Variants in METTL15 observed in about 807,000 individuals in gnomAD.
METTL15 encodes the protein methyltransferase 15, mitochondrial 12S rRNA N4-cytidine.
In METTL15, 34 loss-of-function variants were observed where a neutral mutation model predicts 38.3. The ratio of observed to expected loss-of-function variants is 0.89; its 90% CI spans 0.68 to 1.18. METTL15 has a LOEUF of 1.18. Among genes scored for constraint, METTL15 ranks in the 50% most tolerant of loss-of-function variants. METTL15 has a pLI of 0.00. For synonymous variants in METTL15, 162 were observed against 170.9 expected (o/e 0.95, Z 0.41); for missense variants, 438 against 498.4 (o/e 0.88, Z 1.15).
intron 4 of METTL15, among the ~76,000 whole-genome samples, chr11:28,258,391 A>T (rs1018541427): frequency 6.6e-6 from 1 of 152,048 alleles, no homozygotes; most frequent in Non-Finnish European, 1.5e-5. Flanking sequence ...TCTACTGCCT[A>T]TGTTCACTTC....
chr11:28,481,128 G>T (rs577478326), intron 6 of METTL15, among the ~76,000 whole-genome samples: 1 of 152,186 alleles, frequency 6.6e-6, no homozygotes, highest in South Asian at 2.1e-4. Flanking sequence ...TGGGGAGGAA[G>T]TATCACATTA....
chr11:28,461,111 T>C (rs888996395), intron 6 of METTL15, among the ~76,000 whole-genome samples: 4 of 152,014 alleles, frequency 2.6e-5, no homozygotes, highest in Admixed American at 1.3e-4. Context: ...CAAAGAAATA[T>C]TTATTAACCC....
chr11:28,234,822 T>C (rs1421898266), intron 4 of METTL15, among the ~76,000 whole-genome samples: 1 of 146,264 alleles, frequency 6.8e-6, no homozygotes, highest in Non-Finnish European at 1.5e-5. Flanking sequence ...AGATCCCATT[T>C]GTCAATTTTG....
chr11:28,292,164 C>T (rs901440043), intron 5 of METTL15, among the ~76,000 whole-genome samples: 1 of 150,344 alleles, frequency 6.7e-6, no homozygotes, highest in Non-Finnish European at 1.5e-5. Context: ...CCCAGTAACT[C>T]GTCATTTAAC....
intron 6 of METTL15, among the ~76,000 whole-genome samples, chr11:28,505,168 C>T (rs999298294): frequency 6.6e-6 from 1 of 151,992 alleles, no homozygotes; most frequent in Non-Finnish European, 1.5e-5. Context: ...AAGTGTAACT[C>T]GGTGTGTATG....
intron 6 of METTL15, among the ~76,000 whole-genome samples, chr11:28,303,421 A>G (rs144773961): frequency 5.9e-5 from 9 of 152,294 alleles, no homozygotes; most frequent in Non-Finnish European, 1.3e-4. Context: ...AAAGAAGTAT[A>G]CCAGTCACTT....
intron 6 of METTL15, among the ~76,000 whole-genome samples, chr11:28,319,820 G>A (rs1032667671): frequency 8.5e-5 from 13 of 152,124 alleles, no homozygotes; most frequent in Admixed American, 2.6e-4. Context: ...ATGTTAATGG[G>A]CATTGTGAAT....
intron 3 of METTL15, among the ~76,000 whole-genome samples, chr11:28,133,332 T>G (rs907551384): frequency 1.3e-5 from 2 of 152,196 alleles, no homozygotes; most frequent in African/African-American, 2.4e-5. Context: ...ATGACTCGTG[T>G]TAAAAACCTT....
chr11:28,375,872 G>T (rs1387923490), intron 5 of METTL15, among the ~76,000 whole-genome samples: 1 of 151,322 alleles, frequency 6.6e-6, no homozygotes, highest in East Asian at 1.9e-4. Flanking sequence ...TTGTGTCTTT[G>T]TTCTCGTTGG....
chr11:28,514,229 C>A (rs556818582), intron 6 of METTL15, among the ~76,000 whole-genome samples: 9 of 152,284 alleles, frequency 5.9e-5, no homozygotes, highest in Admixed American at 5.9e-4. Context: ...TAGGTCTAAG[C>A]CAATCAACAT....
intron 4 of METTL15, among the ~76,000 whole-genome samples, chr11:28,281,047 T>C (rs1359531542): frequency 2.0e-5 from 3 of 152,146 alleles, no homozygotes; most frequent in Non-Finnish European, 4.4e-5. Flanking sequence ...GTCTAGTAAT[T>C]TTTATTTTAT....
chr11:28,156,106 GTTA>G (rs1323418123), intron 3 of METTL15, among the ~76,000 whole-genome samples: 1 of 152,092 alleles, frequency 6.6e-6, no homozygotes, highest in Non-Finnish European at 1.5e-5. Flanking sequence ...TGTCTAATGT[GTTA>G]TTATTCTTTA....
intron 3 of METTL15, among the ~76,000 whole-genome samples, chr11:28,131,343 C>G (rs1488754875): frequency 6.6e-6 from 1 of 152,128 alleles, no homozygotes; most frequent in Non-Finnish European, 1.5e-5. Flanking sequence ...TAGCTTCTTT[C>G]CTCGCACCAT....
the METTL15 span, among the ~76,000 whole-genome samples, chr11:28,532,279 G>A: frequency 2.6e-5 from 4 of 152,088 alleles, no homozygotes; most frequent in Admixed American, 1.3e-4. Flanking sequence ...CTTGATCAAG[G>A]TGTATATTTT....
At chr11:28,323,151 A>G (rs1325762575) in intron 6 of METTL15, among the ~76,000 whole-genome samples, 1 of 152,084 alleles carries the variant, frequency 6.6e-6, no homozygotes, top group African/African-American at 2.4e-5. Context: ...AGTGACATTA[A>G]CTATTGACTT....
chr11:28,197,482 C>T (rs914612265), intron 3 of METTL15: 2 of 446,464 alleles, frequency 4.5e-6, no homozygotes, highest in African/African-American at 4.0e-5. Flanking sequence ...ATCCCAATTT[C>T]CTGGTGATGT....
At chr11:28,256,817 C>T (rs940315816) in intron 4 of METTL15, among the ~76,000 whole-genome samples, 65 of 152,122 alleles carry the variant, frequency 4.3e-4, no homozygotes, top group African/African-American at 1.5e-3. Flanking sequence ...AGTTTCTCCT[C>T]TTCTTTGATG....
chr11:28,150,026 T>C (rs184495523), intron 3 of METTL15, among the ~76,000 whole-genome samples: 2 of 152,018 alleles, frequency 1.3e-5, no homozygotes, highest in Admixed American at 1.3e-4. Context: ...ATTTCAAATA[T>C]AGGAAACTAT....
chr11:28,115,921 C>G (rs1337061506), intron 3 of METTL15, among the ~76,000 whole-genome samples: 1 of 116,626 alleles, frequency 8.6e-6, no homozygotes, highest in East Asian at 2.3e-4. Flanking sequence ...TACACAGACA[C>G]ACACACATAC....
Sources: gnomAD v4.1 joint callset for allele counts (sites outside exome capture counted in the v4.1 genomes callset) on GRCh38, gnomAD v4.1.1 for gene constraint, MANE v1.5 for transcripts, NCBI Gene and HGNC (gene_info 2026-07-23, HGNC 2026-07-21) for gene names.